Variants in LHFPL3 observed in about 807,000 individuals in gnomAD.
LHFPL3 encodes the protein LHFPL tetraspan subfamily member 3 protein.
LHFPL3 carries 5 observed loss-of-function variants against 19.3 expected under a neutral mutation model. The ratio of observed to expected loss-of-function variants is 0.26; its 90% CI spans 0.14 to 0.54. LHFPL3 has a LOEUF of 0.54. Among genes scored for constraint, LHFPL3 ranks in the 20% least tolerant of loss-of-function variants. The probability of loss-of-function intolerance (pLI) is 0.94; values close to 1 mark genes in which losing one functional copy is unlikely to be tolerated. For missense variants in LHFPL3, 249 were observed against 307.4 expected, an observed-to-expected ratio of 0.81 and a Z score of 1.42; for synonymous variants, 133 against 126.2, an observed-to-expected ratio of 1.05 and a Z score of -0.36.
intron 2 of LHFPL3, chr7:104,785,885 T>C (rs1789901757): frequency 6.6e-6 from 1 of 152,226 alleles, no homozygotes; most frequent in South Asian, 2.1e-4. Context: ...TCCACAAGCA[T>C]TGATAGGGCC....
rs111799044 is a variant in LHFPL3, at chr7:104,616,271, T to C, written c.446-120404T>C. On this transcript the variant is annotated intron_variant, in intron 1 of 2. Coordinates refer to ENST00000424859, the MANE Select transcript of LHFPL3 (RefSeq NM_199000.3). The stretch of plus-strand genomic sequence containing the variant: ...GGCTATAGTAATCAAAACAGCTTGC[T>C]ACTAGTACCAAAACAGTCACATAGA... Among the ~76,000 whole-genome samples the C allele has an allele frequency of 3.6e-3, 543 of 152,314 alleles. 3 individuals carry two copies. The highest frequency in any genetic ancestry group is 0.013 in the African/African-American group (521 of 41,580).
chr7:104,470,444 A>G (rs143604671), intron 1 of LHFPL3, among the ~76,000 whole-genome samples: 45 of 152,328 alleles, frequency 3.0e-4, no homozygotes, highest in African/African-American at 1.1e-3. Flanking sequence ...CATTTGTAAT[A>G]TCTCAATTTA....
intron 2 of LHFPL3, among the ~76,000 whole-genome samples, chr7:104,769,506 C>G (rs1053494182): frequency 2.6e-5 from 4 of 152,136 alleles, no homozygotes; most frequent in Non-Finnish European, 4.4e-5. Context: ...ATGTGCAGAA[C>G]ATGCAGGTTT....
intron 1 of LHFPL3, among the ~76,000 whole-genome samples, chr7:104,426,238 C>CTGTTTGTTTGTTTGTT (rs112112531): frequency 5.9e-5 from 9 of 151,578 alleles, no homozygotes; most frequent in African/African-American, 1.9e-4. Context: ...ACACTATGTT[C>CTGTTTGTTTGTTTGTT]TGTTTGTTTG....
At chr7:104,891,924 C>G (rs1562827560) in intron 2 of LHFPL3, among the ~76,000 whole-genome samples, 1 of 152,236 alleles carries the variant, frequency 6.6e-6, no homozygotes, top group Non-Finnish European at 1.5e-5. Flanking sequence ...TCTCACTAGA[C>G]TCAGTGAATC....
At chr7:104,467,241 C>A (rs1401277385) in intron 1 of LHFPL3, among the ~76,000 whole-genome samples, 6 of 152,118 alleles carry the variant, frequency 3.9e-5, no homozygotes, top group Admixed American at 3.9e-4. Context: ...ACCTATCTCA[C>A]ATGTTTGGTG....
chr7:104,762,262 G>A (rs4132013), intron 2 of LHFPL3, among the ~76,000 whole-genome samples: 35,741 of 151,992 alleles, frequency 0.24, 4,474 homozygotes, highest in South Asian at 0.45. Context: ...TACAAGTGAC[G>A]AGAAAAAGGA....
intron 1 of LHFPL3, among the ~76,000 whole-genome samples, chr7:104,712,049 T>C (rs1793308545): frequency 6.6e-6 from 1 of 152,238 alleles, no homozygotes; most frequent in Admixed American, 6.5e-5. Flanking sequence ...TTAAGGTTGC[T>C]GTTGCAATTA....
chr7:104,373,631 A>G (rs1790652965), intron 1 of LHFPL3, among the ~76,000 whole-genome samples: 1 of 152,106 alleles, frequency 6.6e-6, no homozygotes, highest in South Asian at 2.1e-4. Flanking sequence ...GACAACAGTC[A>G]AATACATTTA....
At chr7:104,554,863 A>C (rs1794733769) in intron 1 of LHFPL3, among the ~76,000 whole-genome samples, 2 of 152,218 alleles carry the variant, frequency 1.3e-5, no homozygotes, top group Admixed American at 6.5e-5. Context: ...CCAACCCTGA[A>C]GGCCTGAGAA....
At chr7:104,487,262 CA>C (rs1204708102) in intron 1 of LHFPL3, among the ~76,000 whole-genome samples, 1 of 152,150 alleles carries the variant, frequency 6.6e-6, no homozygotes, top group African/African-American at 2.4e-5. Context: ...TTCTAAAGAC[CA>C]AAATACTTCT....
chr7:104,783,192 A>C (rs1789846256), intron 2 of LHFPL3, among the ~76,000 whole-genome samples: 1 of 152,272 alleles, frequency 6.6e-6, no homozygotes, highest in South Asian at 2.1e-4. Context: ...CATTGAAGTC[A>C]GAATCACTGG....
At chr7:104,821,341 G>A (rs1041112416) in intron 2 of LHFPL3, among the ~76,000 whole-genome samples, 1 of 152,220 alleles carries the variant, frequency 6.6e-6, no homozygotes, top group East Asian at 1.9e-4. Flanking sequence ...GGCTGTGTCT[G>A]CCTCTGCTGA....
intron 2 of LHFPL3, among the ~76,000 whole-genome samples, chr7:104,849,163 T>C (rs1226553763): frequency 6.6e-6 from 1 of 152,162 alleles, no homozygotes; most frequent in Non-Finnish European, 1.5e-5. Flanking sequence ...ACTCCTGGGC[T>C]CAAGCCATCC....
At chr7:104,447,879 A>G (rs977473617) in intron 1 of LHFPL3, among the ~76,000 whole-genome samples, 4 of 152,098 alleles carry the variant, frequency 2.6e-5, no homozygotes, top group African/African-American at 9.7e-5. Context: ...TCTGAAAGCA[A>G]ATGTTCAGGA....
chr7:104,722,519 C>A (rs1264027822), intron 1 of LHFPL3, among the ~76,000 whole-genome samples: 1 of 152,230 alleles, frequency 6.6e-6, no homozygotes, highest in African/African-American at 2.4e-5. Context: ...TCACCACACT[C>A]TAAACCACAG....
intron 1 of LHFPL3, among the ~76,000 whole-genome samples, chr7:104,502,605 A>G (rs940949716): frequency 1.3e-5 from 2 of 152,132 alleles, no homozygotes; most frequent in African/African-American, 2.4e-5. Flanking sequence ...GGGTGAACCT[A>G]GGATGCTGTG....
intron 1 of LHFPL3, among the ~76,000 whole-genome samples, chr7:104,364,142 C>T (rs928083429): frequency 6.6e-6 from 1 of 152,138 alleles, no homozygotes; most frequent in South Asian, 2.1e-4. Flanking sequence ...TAGTCATTTT[C>T]TAGATAGCCT....
intron 1 of LHFPL3, among the ~76,000 whole-genome samples, chr7:104,730,499 TG>T (rs1322388813): frequency 6.6e-6 from 1 of 152,248 alleles, no homozygotes; most frequent in Non-Finnish European, 1.5e-5. Flanking sequence ...TGGCCAGTGA[TG>T]GTGAGCATTT....
Sources: allele counts gnomAD v4.1 joint callset (sites outside exome capture counted in the v4.1 genomes callset), GRCh38; gene constraint gnomAD v4.1.1; transcripts MANE v1.5; gene names NCBI Gene and HGNC (gene_info 2026-07-23, HGNC 2026-07-21).